Variants in LRRC8C observed in about 807,000 individuals in gnomAD.
LRRC8C encodes leucine rich repeat containing 8 VRAC subunit C, also known as volume-regulated anion channel subunit LRRC8C.
In LRRC8C, 20 loss-of-function variants were observed where a neutral mutation model predicts 55.3. The ratio of observed to expected loss-of-function variants is 0.36; its 90% CI spans 0.25 to 0.53. The LOEUF (loss-of-function observed/expected upper bound fraction) is 0.53. Among genes scored for constraint, LRRC8C ranks in the 20% least tolerant of loss-of-function variants. The probability of loss-of-function intolerance (pLI) is 0.92; values close to 1 mark genes in which losing one functional copy is unlikely to be tolerated. For synonymous variants in LRRC8C, 376 were observed against 360.7 expected, an observed-to-expected ratio of 1.04 and a Z score of -0.48; for missense variants, 659 against 951.4, an observed-to-expected ratio of 0.69 and a Z score of 4.04.
chr1:89,639,222 T>C (rs573033653), intron 1 of LRRC8C, among the ~76,000 whole-genome samples: 1 of 152,132 alleles, frequency 6.6e-6, no homozygotes, highest in African/African-American at 2.4e-5. Context: ...CTTGATGTCA[T>C]GATCCACCTG....
chr1:89,630,658 T>C (rs940680058), upstream of LRRC8C, among the ~76,000 whole-genome samples: 2 of 152,228 alleles, frequency 1.3e-5, no homozygotes, highest in Admixed American at 1.3e-4. Flanking sequence ...AATGGTTTAT[T>C]CTGGTTTGTG....
At chr1:89,666,104 T>G (rs1392439049) in intron 1 of LRRC8C, among the ~76,000 whole-genome samples, 1 of 152,126 alleles carries the variant, frequency 6.6e-6, no homozygotes, top group Admixed American at 6.6e-5. Context: ...TGCCTAATGA[T>G]GCGTTTCTCA....
intron 2 of LRRC8C, among the ~76,000 whole-genome samples, chr1:89,709,747 T>TTG (rs1300863966): frequency 1.1e-5 from 1 of 91,426 alleles, no homozygotes; most frequent in African/African-American, 3.7e-5. Context: ...TGTGGTTTTT[T>TTG]TTTGTTTGTT....
chr1:89,625,445 A>G, the LRRC8C span, among the ~76,000 whole-genome samples: 1 of 152,200 alleles, frequency 6.6e-6, no homozygotes, highest in Non-Finnish European at 1.5e-5. Flanking sequence ...CCATTAATAC[A>G]TCACTGATAC....
chr1:89,634,694 C>T (rs1186132843), intron 1 of LRRC8C, among the ~76,000 whole-genome samples: 2 of 152,150 alleles, frequency 1.3e-5, no homozygotes, highest in Non-Finnish European at 2.9e-5. Flanking sequence ...ATCTGAGCTG[C>T]ATAAAACTCG....
chr1:89,645,901 G>T (rs1006275499), intron 1 of LRRC8C, among the ~76,000 whole-genome samples: 6 of 151,736 alleles, frequency 4.0e-5, no homozygotes, highest in African/African-American at 1.5e-4. Context: ...TGAAATTAAT[G>T]GGAAAAAATA....
intron 2 of LRRC8C, among the ~76,000 whole-genome samples, chr1:89,696,434 A>C (rs1319531733): frequency 6.6e-6 from 1 of 152,126 alleles, no homozygotes; most frequent in Non-Finnish European, 1.5e-5. Context: ...GCTCAGGTCA[A>C]AGAAAGGTAA....
chr1:89,630,037 G>A (rs995258387), upstream of LRRC8C, among the ~76,000 whole-genome samples: 1 of 152,180 alleles, frequency 6.6e-6, no homozygotes. Context: ...GGGCGTGGTG[G>A]CGGGCACCTG....
At chr1:89,671,506 C>T (rs1221706489) in intron 1 of LRRC8C, among the ~76,000 whole-genome samples, 1 of 152,150 alleles carries the variant, frequency 6.6e-6, no homozygotes, top group African/African-American at 2.4e-5. Context: ...TGGATAAATG[C>T]AGGAGAGTAA....
At chr1:89,669,818 C>A (rs1207724482) in intron 1 of LRRC8C, among the ~76,000 whole-genome samples, 1 of 152,128 alleles carries the variant, frequency 6.6e-6, no homozygotes, top group African/African-American at 2.4e-5. Flanking sequence ...TGAGAGGAGT[C>A]ATTTATTGCC....
Position 89,659,075 on chromosome 1 carries a change from G to T in LRRC8C, c.-5+25753G>T, listed in dbSNP as rs1490120156. ...TTTTTTTTTTTTTGTGTGTGTGTGT[G>T]TGTGTGTGTGTGTGTGTGTGTGTGT... On this transcript the variant is annotated intron_variant, in intron 1 of 2. Transcript: ENST00000370454. 5.0e-3 allele frequency among the ~76,000 whole-genome samples: 653 copies of T among 131,012 alleles called. 27 individuals carry two copies. Among genetic ancestry groups the T allele is most frequent in the Non-Finnish European group, 6.6e-3 (413 of 62,548 alleles). 85.9% of individuals were successfully genotyped at this position (131,012 alleles called of 152,430 possible).
At chr1:89,677,136 C>T (rs932657542) in intron 1 of LRRC8C, among the ~76,000 whole-genome samples, 5 of 152,112 alleles carry the variant, frequency 3.3e-5, no homozygotes, top group African/African-American at 4.8e-5. Flanking sequence ...CGAATAATAT[C>T]GTCATTGTTT....
intron 1 of LRRC8C, among the ~76,000 whole-genome samples, chr1:89,660,686 C>A (rs956065708): frequency 1.3e-5 from 2 of 152,164 alleles, no homozygotes; most frequent in Non-Finnish European, 2.9e-5. Flanking sequence ...AATGTTGGCT[C>A]CTGGAGAAAT....
At chr1:89,663,932 AGT>A (rs1225410504) in intron 1 of LRRC8C, among the ~76,000 whole-genome samples, 5 of 152,152 alleles carry the variant, frequency 3.3e-5, no homozygotes, top group African/African-American at 1.2e-4. Context: ...TCGTTTAAGA[AGT>A]GTCTGTTCAT....
intron 1 of LRRC8C, among the ~76,000 whole-genome samples, chr1:89,654,283 G>A (rs1656875942): frequency 6.6e-6 from 1 of 152,182 alleles, no homozygotes; most frequent in Non-Finnish European, 1.5e-5. Context: ...TGAGGAGGCA[G>A]CTAAGGGATG....
intron 1 of LRRC8C, among the ~76,000 whole-genome samples, chr1:89,685,147 C>T (rs114158946): frequency 0.011 from 1,404 of 123,068 alleles, 32 homozygotes; most frequent in African/African-American, 0.04. Context: ...CTCACTCTGT[C>T]GCCCAGCAGG....
intron 1 of LRRC8C, among the ~76,000 whole-genome samples, chr1:89,642,990 C>G (rs571929850): frequency 1.4e-5 from 2 of 146,972 alleles, no homozygotes; most frequent in East Asian, 4.0e-4. Context: ...TGCACTCTAA[C>G]CTGGGTAAGA....
intron 1 of LRRC8C, among the ~76,000 whole-genome samples, chr1:89,651,081 C>T (rs149962373): frequency 6.6e-6 from 1 of 152,096 alleles, no homozygotes; most frequent in Admixed American, 6.6e-5. Context: ...CATGAAGTAC[C>T]TTGATCCAGA....
rs758930604 is a variant in LRRC8C at position 89,714,215 on chromosome 1, A to G, written c.1645A>G (p.Ile549Val). ...TCTCAAAAGCCTTAAAATTCTCTCTATCAAAAGCAACGTTTCCAAAATCCC... is the reference window on the plus strand; with the variant it reads ...TCTCAAAAGCCTTAAAATTCTCTCTGTCAAAAGCAACGTTTCCAAAATCCC... ...RDLKSLKILS[I>V]KSNVSKIPQA... The change falls in exon 3 of 3, where the codon ATC (isoleucine) becomes GTC (valine). Residue 549 changes from isoleucine to valine, a missense_variant. Transcript: ENST00000370454. The surrounding 1 kb of genome is among the most constrained non-coding windows in gnomAD (Gnocchi z 4.6). 12 of 1,613,944 alleles carry G rather than the reference A, an allele frequency of 7.4e-6. No homozygotes were observed. Among genetic ancestry groups the G allele is most frequent in the Non-Finnish European group, 1.0e-5 (12 of 1,180,016 alleles).
Sources: gnomAD v4.1 joint callset for allele counts (sites outside exome capture counted in the v4.1 genomes callset) on GRCh38, gnomAD v4.1.1 for gene constraint, Gnocchi (gnomAD v3.1) non-coding constraint, MANE v1.5 for transcripts, NCBI Gene and HGNC (gene_info 2026-07-23, HGNC 2026-07-21) for gene names.